Variants in CNTNAP4 observed in about 807,000 individuals in gnomAD.
CNTNAP4 encodes contactin associated protein family member 4, also known as contactin-associated protein-like 4.
A neutral mutation model predicts 148.4 loss-of-function variants in CNTNAP4; 98 were observed. The observed-to-expected ratio is 0.66, with a 90% CI of 0.56 to 0.78. CNTNAP4 has a LOEUF of 0.78. CNTNAP4 is among the 30% of genes least tolerant of loss of function. The probability of loss-of-function intolerance (pLI) is 0.00; values close to 1 mark genes in which losing one functional copy is unlikely to be tolerated. For missense variants in CNTNAP4, 1,935 were observed against 1,565.6 expected (o/e 1.24, Z -3.98); for synonymous variants, 730 against 565.1 (o/e 1.29, Z -4.14).
chr16:76,419,625 C>A (rs189003604), intron 3 of CNTNAP4, among the ~76,000 whole-genome samples: 20 of 152,140 alleles, frequency 1.3e-4, no homozygotes, highest in South Asian at 1.0e-3. Context: ...TCAGCTCTGA[C>A]TCTTTGGATG....
At chr16:76,311,313 A>G (rs1268150584) in intron 1 of CNTNAP4, among the ~76,000 whole-genome samples, 1 of 152,144 alleles carries the variant, frequency 6.6e-6, no homozygotes, top group African/African-American at 2.4e-5. Flanking sequence ...TTTTGTATAT[A>G]CAATCTGCCA....
At chr16:76,380,263 G>C (rs2015832416) in intron 3 of CNTNAP4, among the ~76,000 whole-genome samples, 1 of 152,150 alleles carries the variant, frequency 6.6e-6, no homozygotes, top group Non-Finnish European at 1.5e-5. Context: ...TGAAGAAGGT[G>C]ACAGACATCT....
At chr16:76,476,322 C>G (rs2081577235) in intron 11 of CNTNAP4, among the ~76,000 whole-genome samples, 1 of 152,156 alleles carries the variant, frequency 6.6e-6, no homozygotes, top group East Asian at 1.9e-4. Flanking sequence ...TTCTGTTACT[C>G]AAATTGGGCC....
chr16:76,315,827 T>A (rs1183741094), intron 1 of CNTNAP4, among the ~76,000 whole-genome samples: 3 of 152,044 alleles, frequency 2.0e-5, no homozygotes, highest in Non-Finnish European at 4.4e-5. Flanking sequence ...ACTCCTGACA[T>A]CCAGTAATGC....
At chr16:76,342,788 A>C (rs998033921) in intron 2 of CNTNAP4, among the ~76,000 whole-genome samples, 4 of 152,192 alleles carry the variant, frequency 2.6e-5, no homozygotes, top group Non-Finnish European at 4.4e-5. Context: ...AACAATGACA[A>C]ACTGACCTGT....
At chr16:76,481,286 C>A (rs749797906) in intron 12 of CNTNAP4, among the ~76,000 whole-genome samples, 2 of 152,174 alleles carry the variant, frequency 1.3e-5, no homozygotes, top group Non-Finnish European at 2.9e-5. Context: ...TAGCCACTAG[C>A]AAGTGCCTAT....
intron 2 of CNTNAP4, among the ~76,000 whole-genome samples, chr16:76,342,465 C>CTTTTTTTTT (rs397854943): frequency 9.8e-5 from 9 of 91,508 alleles, no homozygotes; most frequent in Admixed American, 1.2e-4. Flanking sequence ...TTGCTAATTT[C>CTTTTTTTTT]TTTTTTTTTT....
chr16:76,532,637 A>T (rs556567447), intron 17 of CNTNAP4, among the ~76,000 whole-genome samples: 35 of 152,352 alleles, frequency 2.3e-4, no homozygotes, highest in African/African-American at 5.0e-4. Context: ...AGTAAATTAA[A>T]TACACCAAGA....
intron 3 of CNTNAP4, among the ~76,000 whole-genome samples, chr16:76,359,759 G>T (rs984694114): frequency 6.6e-6 from 1 of 152,122 alleles, no homozygotes; most frequent in Non-Finnish European, 1.5e-5. Context: ...TCTCCTCTCA[G>T]ATTGAACACA....
intron 2 of CNTNAP4, among the ~76,000 whole-genome samples, chr16:76,323,755 G>T (rs939472333): frequency 2.6e-5 from 4 of 151,726 alleles, no homozygotes; most frequent in African/African-American, 9.7e-5. Flanking sequence ...ACCCTTTATC[G>T]TCCTTGTCTG....
chr16:76,421,205 CTCA>C (rs1316859970), intron 3 of CNTNAP4, among the ~76,000 whole-genome samples: 2 of 151,936 alleles, frequency 1.3e-5, no homozygotes, highest in Non-Finnish European at 1.5e-5. Flanking sequence ...CACAAGGGGT[CTCA>C]TCAAGTTATC....
At chr16:76,374,171 TGA>T (rs2015170646) in intron 3 of CNTNAP4, among the ~76,000 whole-genome samples, 1 of 152,130 alleles carries the variant, frequency 6.6e-6, no homozygotes. Context: ...TTTCAGTAAG[TGA>T]GAGAGGAGAG....
intron 13 of CNTNAP4, among the ~76,000 whole-genome samples, chr16:76,492,552 G>A (rs2082260811): frequency 6.6e-6 from 1 of 152,172 alleles, no homozygotes. Flanking sequence ...TGGTTTGGCT[G>A]TGTCCCCACC....
intron 3 of CNTNAP4, among the ~76,000 whole-genome samples, chr16:76,376,070 G>A (rs2015382254): frequency 6.6e-6 from 1 of 152,064 alleles, no homozygotes; most frequent in African/African-American, 2.4e-5. Context: ...AGAGGAGGAG[G>A]TGGAGGAGGA....
chr16:76,348,232 C>T (rs1241087631), intron 2 of CNTNAP4, among the ~76,000 whole-genome samples: 1 of 151,048 alleles, frequency 6.6e-6, no homozygotes, highest in Non-Finnish European at 1.5e-5. Context: ...ATAAGATTAC[C>T]ATTATATGGG....
Position 76,521,162 on chromosome 16 carries a change from C to G in CNTNAP4, c.2388C>G (p.Ser796=), listed in dbSNP as rs374145709. 2 of 1,590,364 alleles carry G rather than the reference C, an allele frequency of 1.3e-6. No homozygotes were observed. The highest frequency in any genetic ancestry group is 1.7e-6 in the Non-Finnish European group (2 of 1,172,644). Residue 796 remains serine, a synonymous_variant, in exon 16 of 24, where the codon TCC becomes TCG. Coordinates refer to ENST00000611870, the MANE Select transcript of CNTNAP4 (RefSeq NM_033401.5). ...QGDRSFWNSA[S]FDTEASYLHF... Reference sequence around the variant, plus strand: ...CAGGATCATTTTGGAATTCAGCTTCCTTTGATACCGAGGCTTCATATCTTC... The same window carrying G: ...CAGGATCATTTTGGAATTCAGCTTCGTTTGATACCGAGGCTTCATATCTTC...
At chr16:76,391,602 T>A (rs2017001188) in intron 3 of CNTNAP4, among the ~76,000 whole-genome samples, 1 of 152,174 alleles carries the variant, frequency 6.6e-6, no homozygotes, top group Non-Finnish European at 1.5e-5. Flanking sequence ...TAAGAGCTTG[T>A]GTAAAGTGCA....
intron 3 of CNTNAP4, among the ~76,000 whole-genome samples, chr16:76,361,548 T>A (rs1293136679): frequency 3.3e-5 from 5 of 152,184 alleles, no homozygotes; most frequent in African/African-American, 9.6e-5. Context: ...AATTTTAAAA[T>A]CTATTCATTT....
chr16:76,504,848 G>T (rs11644653), intron 15 of CNTNAP4, among the ~76,000 whole-genome samples: 91,573 of 151,872 alleles, frequency 0.6, 28,654 homozygotes, highest in East Asian at 0.78. Flanking sequence ...AATAAACACA[G>T]TAAAGATCCT....
Sources: allele counts gnomAD v4.1 joint callset (sites outside exome capture counted in the v4.1 genomes callset), GRCh38; gene constraint gnomAD v4.1.1; transcripts MANE v1.5; gene names NCBI Gene and HGNC (gene_info 2026-07-23, HGNC 2026-07-21).